TEX36: variants seen among roughly 807,000 people sequenced by gnomAD.
TEX36 encodes testis-expressed protein 36.
In TEX36, 12 loss-of-function variants were observed where a neutral mutation model predicts 13.6. That is an observed-to-expected ratio of 0.88 (90% CI 0.56 to 1.43). The LOEUF is 1.43. TEX36 is among the 40% of genes most tolerant of loss of function. TEX36 has a pLI of 0.00. For missense variants in TEX36, 224 were observed against 228.3 expected (o/e 0.98, Z 0.12); for synonymous variants, 93 against 83.0 (o/e 1.12, Z -0.65).
intron 1 of TEX36, among the ~76,000 whole-genome samples, chr10:125,677,111 C>T (rs1847325013): frequency 6.6e-6 from 1 of 152,094 alleles, no homozygotes; most frequent in South Asian, 2.1e-4. Flanking sequence ...AATGCTTTTC[C>T]CTTGCTTTTT....
At chr10:125,644,764 T>C (rs1846742239) in intron 3 of TEX36, among the ~76,000 whole-genome samples, 2 of 152,250 alleles carry the variant, frequency 1.3e-5, no homozygotes, top group South Asian at 2.1e-4. Context: ...TTACATGTTA[T>C]GTTACATGAA....
chr10:125,647,910 C>G (rs537704440), intron 3 of TEX36, among the ~76,000 whole-genome samples: 47 of 152,324 alleles, frequency 3.1e-4, no homozygotes, highest in Non-Finnish European at 6.0e-4. Context: ...TCACTGCTAG[C>G]ACAGCAGTCT....
At chr10:125,616,365 A>C (rs1453440769) in intron 3 of TEX36, among the ~76,000 whole-genome samples, 165 of 141,832 alleles carry the variant, frequency 1.2e-3, no homozygotes, top group Admixed American at 2.1e-3. Context: ...TAGTTCTTTT[A>C]ATTGTGATGT....
At chr10:125,618,925 T>A (rs61873474), downstream of TEX36, among the ~76,000 whole-genome samples, 7,001 of 112,998 alleles carry the variant, frequency 0.062, 223 homozygotes, top group Admixed American at 0.13. Context: ...GCTAACACGG[T>A]GAAACCCCGT....
chr10:125,633,406 C>G (rs1156521617), intron 3 of TEX36, among the ~76,000 whole-genome samples: 1 of 152,224 alleles, frequency 6.6e-6, no homozygotes, highest in Non-Finnish European at 1.5e-5. Flanking sequence ...GTAATGCTCT[C>G]AGTTCTGGGT....
chr10:125,608,014 G>A (rs765333940), intron 3 of TEX36, among the ~76,000 whole-genome samples: 3 of 152,146 alleles, frequency 2.0e-5, no homozygotes, highest in Admixed American at 6.5e-5. Context: ...CCAAAGCTGT[G>A]CCAGTCATAG....
At chr10:125,588,707 CG>C in intron 3 of TEX36, among the ~76,000 whole-genome samples, 1 of 152,166 alleles carries the variant, frequency 6.6e-6, no homozygotes, top group Non-Finnish European at 1.5e-5. Context: ...CTCCGCCTCC[CG>C]GGTTCAAGCG....
chr10:125,576,598 C>T, exon 4 of TEX36: 1 of 1,119,412 alleles, frequency 8.9e-7, no homozygotes, highest in Middle Eastern at 3.0e-4. Flanking sequence ...TTCTCCATAG[C>T]TGGAAATTTA....
exon 4 of TEX36, chr10:125,576,627 A>G: frequency 7.6e-7 from 1 of 1,310,676 alleles, no homozygotes; most frequent in Non-Finnish European, 1.0e-6. Context: ...AGAATGCTGA[A>G]TAAATCCTGG....
At chr10:125,662,107 AT>A in intron 1 of TEX36, 130 bp from the exon 2 acceptor site, 1 of 1,205,868 alleles carries the variant, frequency 8.3e-7, no homozygotes, top group East Asian at 2.6e-5. Context: ...AAATGGCATA[AT>A]TTTTGTAATT....
intron 3 of TEX36, among the ~76,000 whole-genome samples, chr10:125,648,710 G>A (rs563843264): frequency 2.6e-5 from 4 of 152,238 alleles, no homozygotes; most frequent in South Asian, 4.1e-4. Context: ...AAACTTCTCC[G>A]AGCTAAAGGA....
rs139471585 is a variant in TEX36, at chr10:125,604,965, A to T, written c.265-28091T>A. 4.5e-4 allele frequency among the ~76,000 whole-genome samples: 69 copies of T among 152,204 alleles called. No individual in the cohort carries two copies. In the East Asian group the frequency reaches 0.013, roughly 29 times the overall value. On this transcript the variant is annotated intron_variant, in intron 3 of 3. Transcript: ENST00000532135. The stretch of plus-strand genomic sequence containing the variant: ...GCATAATTATTTCATTACACATTAC[A>T]CTGTAATCATAACAGAAATAAAGTG...
At position 125,603,929 on chromosome 10, in the gene TEX36, C is replaced by G. The variant is rs116210443; in HGVS notation, c.265-27055G>C. On this transcript the variant is annotated intron_variant, in intron 3 of 3. Transcript: ENST00000532135. ...TTAGGCAAACTCCAAATGTCTGGCTCTTGTACTGCACTGTAAGAACTTGGG... is the reference window on the plus strand; with the variant it reads ...TTAGGCAAACTCCAAATGTCTGGCTGTTGTACTGCACTGTAAGAACTTGGG... Among the ~76,000 whole-genome samples, 359 of 152,224 alleles carry G rather than the reference C, an allele frequency of 2.4e-3. 2 individuals carry two copies. The highest frequency in any genetic ancestry group is 8.3e-3 in the African/African-American group (346 of 41,540).
chr10:125,676,614 T>C (rs1009465276), intron 1 of TEX36, among the ~76,000 whole-genome samples: 2 of 152,188 alleles, frequency 1.3e-5, no homozygotes, highest in Non-Finnish European at 2.9e-5. Flanking sequence ...AAGGTTTCTG[T>C]TCAAAGTTAT....
At chr10:125,630,515 G>A (rs568199600) in intron 3 of TEX36, among the ~76,000 whole-genome samples, 37 of 152,156 alleles carry the variant, frequency 2.4e-4, no homozygotes, top group Non-Finnish European at 4.1e-4. Flanking sequence ...AGCTCTATTC[G>A]TTTTTATGAT....
intron 3 of TEX36, among the ~76,000 whole-genome samples, chr10:125,634,807 G>C (rs915585802): frequency 6.6e-6 from 1 of 152,158 alleles, no homozygotes; most frequent in African/African-American, 2.4e-5. Flanking sequence ...TCATCATTGA[G>C]GGTAGATAGA....
At chr10:125,636,914 T>A (rs1360158657) in intron 3 of TEX36, among the ~76,000 whole-genome samples, 1 of 152,158 alleles carries the variant, frequency 6.6e-6, no homozygotes, top group Non-Finnish European at 1.5e-5. Context: ...ACCCATTGAT[T>A]AATAACTCCC....
intron 3 of TEX36, among the ~76,000 whole-genome samples, chr10:125,581,221 G>A (rs1845877534): frequency 6.6e-6 from 1 of 152,064 alleles, no homozygotes; most frequent in Non-Finnish European, 1.5e-5. Flanking sequence ...AGGTTCCCAG[G>A]GGCAACCCTC....
downstream of TEX36, among the ~76,000 whole-genome samples, chr10:125,653,127 C>T (rs565733760): frequency 6.6e-6 from 1 of 152,162 alleles, no homozygotes; most frequent in Non-Finnish European, 1.5e-5. Context: ...CCCAGCCATC[C>T]TATTACTGGG....
Sources: allele counts gnomAD v4.1 joint callset (sites outside exome capture counted in the v4.1 genomes callset), GRCh38; gene constraint gnomAD v4.1.1; transcripts MANE v1.5; gene names NCBI Gene and HGNC (gene_info 2026-07-23, HGNC 2026-07-21).